The following NR6A1 variants were observed in gnomAD, a reference collection of about 807,000 sequenced individuals.
NR6A1 encodes retinoic acid receptor-related testis-associated receptor.
In NR6A1, 7 loss-of-function variants were observed where a neutral mutation model predicts 59.1. The ratio of observed to expected loss-of-function variants is 0.12; its 90% confidence interval spans 0.07 to 0.22. The LOEUF is 0.22. Among genes scored for constraint, NR6A1 ranks in the 10% least tolerant of loss-of-function variants. The pLI is 1.00. For synonymous variants in NR6A1, 243 were observed against 236.1 expected (o/e 1.03, Z -0.27); for missense variants, 468 against 611.6 (o/e 0.77, Z 2.48).
At chr9:124,629,122 T>C (rs1360273117) in intron 2 of NR6A1, among the ~76,000 whole-genome samples, 2 of 152,170 alleles carry the variant, frequency 1.3e-5, no homozygotes, top group Non-Finnish European at 2.9e-5. Context: ...ATTCACATTC[T>C]TCCTGCCACA....
intron 2 of NR6A1, chr9:124,598,672 AG>A: frequency 4.9e-6 from 2 of 405,084 alleles, no homozygotes; most frequent in Non-Finnish European, 8.7e-6. Flanking sequence ...AAAAAAAACA[AG>A]GAAGGGAAAG....
chr9:124,543,901 C>A, intron 3 of NR6A1, 44 bp from the exon 4 acceptor site: 2 of 1,543,280 alleles, frequency 1.3e-6, no homozygotes, highest in South Asian at 1.1e-5. Context: ...GAAGCACACT[C>A]ATATAAGTCT....
chr9:124,628,583 C>T (rs1195859574), intron 2 of NR6A1, among the ~76,000 whole-genome samples: 1 of 151,806 alleles, frequency 6.6e-6, no homozygotes, highest in East Asian at 1.9e-4. Flanking sequence ...ACCTTGTGAT[C>T]CGTCCGCCTT....
intron 2 of NR6A1, among the ~76,000 whole-genome samples, chr9:124,647,806 A>C (rs1424475353): frequency 6.6e-6 from 1 of 152,126 alleles, no homozygotes; most frequent in Non-Finnish European, 1.5e-5. Flanking sequence ...AGTAGCAAGA[A>C]AGAGGCAGTA....
intron 2 of NR6A1, among the ~76,000 whole-genome samples, chr9:124,703,830 AT>A (rs34956391): frequency 0.51 from 75,276 of 148,666 alleles, 18,869 homozygotes; most frequent in Admixed American, 0.61. Flanking sequence ...TGCTTCCTTG[AT>A]TTTTTTTTTT....
At chr9:124,560,735 A>G (rs1834064105) in intron 2 of NR6A1, among the ~76,000 whole-genome samples, 1 of 151,856 alleles carries the variant, frequency 6.6e-6, no homozygotes, top group Admixed American at 6.6e-5. Flanking sequence ...TAATTTTTGT[A>G]TTTTTAGTAG....
At chr9:124,528,781 C>A (rs575298871) in intron 7 of NR6A1, among the ~76,000 whole-genome samples, 2 of 152,064 alleles carry the variant, frequency 1.3e-5, no homozygotes, top group East Asian at 3.9e-4. Context: ...AAAAAAACAA[C>A]CTCCCCCAAC....
rs1178869215 is a variant in NR6A1, at chr9:124,618,482, C to CA, written c.143-63913dup. Among the ~76,000 whole-genome samples, 7 of 151,584 alleles carry CA rather than the reference C, an allele frequency of 4.6e-5. No individual in the cohort carries two copies. The East Asian group carries it at 1.4e-3, about 29-fold the overall frequency. On this transcript the variant is annotated intron_variant, in intron 2 of 9. Coordinates refer to ENST00000487099, the MANE Select transcript of NR6A1 (RefSeq NM_033334.4). Reference sequence around the variant, plus strand: ...TGGGCAACAGAGTGAGACTCTATCTCAAAAAATAAAAAAAATAGAATAAAG... The same window carrying CA: ...TGGGCAACAGAGTGAGACTCTATCTCAAAAAAATAAAAAAAATAGAATAAAG...
rs545473933 is a variant in NR6A1, at chr9:124,683,618, A to C, written c.142+49690T>G. Among the ~76,000 whole-genome samples, 2 of 152,250 alleles carry C rather than the reference A, an allele frequency of 1.3e-5. 1 individual carries two copies. Among genetic ancestry groups the C allele is most frequent in the East Asian group, 3.9e-4 (2 of 5,168 alleles). On this transcript the variant is annotated intron_variant, in intron 2 of 9. Coordinates refer to ENST00000487099, the MANE Select transcript of NR6A1 (RefSeq NM_033334.4). ...AGACCAGCCTGGTCAACATGGTGAA[A>C]TCCCATCTCTACTAAAGATACAAAA...
chr9:124,725,574 T>C (rs1335911550), intron 2 of NR6A1, among the ~76,000 whole-genome samples: 1 of 152,142 alleles, frequency 6.6e-6, no homozygotes, highest in African/African-American at 2.4e-5. Flanking sequence ...CAGGCTTTCC[T>C]ATCAGGAATC....
intron 2 of NR6A1, among the ~76,000 whole-genome samples, chr9:124,605,849 C>T (rs1003182826): frequency 2.0e-5 from 3 of 152,112 alleles, no homozygotes; most frequent in African/African-American, 7.2e-5. Context: ...AATCTTGAAT[C>T]CATCTATTTG....
intron 2 of NR6A1, among the ~76,000 whole-genome samples, chr9:124,629,414 T>C (rs1221746972): frequency 6.6e-6 from 1 of 152,202 alleles, no homozygotes; most frequent in African/African-American, 2.4e-5. Flanking sequence ...ACACATTTCT[T>C]CTTCATCTTG....
intron 2 of NR6A1, among the ~76,000 whole-genome samples, chr9:124,726,121 T>C (rs574091591): frequency 1.3e-5 from 2 of 152,328 alleles, no homozygotes; most frequent in South Asian, 2.1e-4. Flanking sequence ...AGGCCAAGTA[T>C]AGCTCAGTAA....
At chr9:124,648,879 C>T (rs1047722923) in intron 2 of NR6A1, among the ~76,000 whole-genome samples, 1 of 151,748 alleles carries the variant, frequency 6.6e-6, no homozygotes, top group African/African-American at 2.4e-5. Context: ...AATAAAATAC[C>T]TAGAAATAGA....
chr9:124,671,502 G>C (rs571721812), intron 2 of NR6A1, among the ~76,000 whole-genome samples: 2 of 152,046 alleles, frequency 1.3e-5, no homozygotes, highest in African/African-American at 4.8e-5. Context: ...TTTTAAAAAG[G>C]AACACGCTTA....
intron 2 of NR6A1, among the ~76,000 whole-genome samples, chr9:124,695,066 T>A (rs1838700496): frequency 6.6e-6 from 1 of 152,222 alleles, no homozygotes; most frequent in Non-Finnish European, 1.5e-5. Flanking sequence ...GTTCACTAGC[T>A]TAACATCGGC....
chr9:124,602,672 T>A (rs556466734), intron 2 of NR6A1, among the ~76,000 whole-genome samples: 1 of 152,202 alleles, frequency 6.6e-6, no homozygotes, highest in South Asian at 2.1e-4. Flanking sequence ...TCAGATGATA[T>A]AGGAAAAGAC....
At position 124,519,258 on chromosome 9, in the gene NR6A1, G is replaced by A. The variant is rs1207546156; in HGVS notation, c.*3447C>T. ...TCCTTGCTCTGGTTCTGGGAAACAG[G>A]ACAGGGAGGATCCTGCTTACTTCCT... On this transcript the variant is annotated 3_prime_UTR_variant, in exon 10 of 10. Coordinates refer to ENST00000487099, the MANE Select transcript of NR6A1 (RefSeq NM_033334.4). The A allele has an allele frequency of 6.6e-6, 1 of 152,222 alleles. No homozygotes were observed. Among genetic ancestry groups the A allele is most frequent in the Non-Finnish European group, 1.5e-5 (1 of 68,056 alleles). 9.4% of individuals were successfully genotyped at this position (152,222 alleles called of 1,614,324 possible). A position where few individuals can be genotyped will look rare whatever the true frequency, so the allele number is the denominator to read the frequency against.
intron 2 of NR6A1, among the ~76,000 whole-genome samples, chr9:124,670,664 G>A (rs927926352): frequency 8.5e-5 from 13 of 152,156 alleles, no homozygotes; most frequent in Admixed American, 7.2e-4. Flanking sequence ...GAAATTCAGA[G>A]TGGATGAAAC....
Sources: allele counts gnomAD v4.1 joint callset (sites outside exome capture counted in the v4.1 genomes callset), GRCh38; gene constraint gnomAD v4.1.1; transcripts MANE v1.5; gene names NCBI Gene and HGNC (gene_info 2026-07-23, HGNC 2026-07-21).